Variants in CNTNAP3 observed in about 807,000 individuals in gnomAD.
The protein encoded by CNTNAP3 is contactin-associated protein-like 3.
CNTNAP3 carries 36 observed loss-of-function variants against 92.1 expected under a neutral mutation model. That is an observed-to-expected ratio of 0.39 (90% CI 0.30 to 0.52). The LOEUF is 0.52. Among genes scored for constraint, CNTNAP3 ranks in the 20% least tolerant of loss-of-function variants. CNTNAP3 has a pLI of 0.76. For synonymous variants in CNTNAP3, 232 were observed against 422.3 expected (o/e 0.55, Z 5.53); for missense variants, 534 against 1,069.6 (o/e 0.50, Z 6.98).
intron 16 of CNTNAP3, 26 bp from the exon 17 acceptor site, chr9:39,102,741 C>T (rs1263434029): frequency 3.7e-6 from 3 of 810,302 alleles, no homozygotes; most frequent in South Asian, 3.3e-5. Flanking sequence ...ATGAATATTG[C>T]TCAAGCAAAT....
At chr9:39,133,177 G>T (rs1246287524) in intron 12 of CNTNAP3, 42 bp from the exon 13 acceptor site, 2 of 1,544,426 alleles carry the variant, frequency 1.3e-6, no homozygotes, top group Admixed American at 3.9e-5. Context: ...CTGGACGGCA[G>T]AGGCCAGCAG....
chr9:39,108,387 C>T (rs1048045086), intron 15 of CNTNAP3, among the ~76,000 whole-genome samples: 8 of 152,228 alleles, frequency 5.3e-5, no homozygotes, highest in Non-Finnish European at 7.4e-5. Context: ...GGGATGGAGA[C>T]GCCACGCCAT....
chr9:39,130,726 A>T (rs1821266994), intron 13 of CNTNAP3, among the ~76,000 whole-genome samples: 1 of 151,810 alleles, frequency 6.6e-6, no homozygotes. Context: ...GGATGGTCTG[A>T]TTTCCTGACC....
At position 39,085,938 on chromosome 9, in the gene CNTNAP3, A is replaced by G. The variant is rs1349148886; in HGVS notation, c.3355-115T>C. ...AAATAAATCACTTTTAAGTACCATT[A>G]CAAAAGCTCAAGAAGCCACCTTCAA... On this transcript the variant is annotated intron_variant, in intron 20 of 23. Coordinates refer to ENST00000297668, the MANE Select transcript of CNTNAP3 (RefSeq NM_033655.5). 4.4e-5 allele frequency: 46 copies of G among 1,036,716 alleles called. No individual in the cohort carries two copies. In the Middle Eastern group the frequency reaches 9.4e-4, roughly 21 times the overall value. The allele number at this position is 1,036,716 out of a possible 1,614,324, so 64.2% of individuals were successfully genotyped here.
At chr9:39,082,862 C>T (rs190917197) in intron 21 of CNTNAP3, among the ~76,000 whole-genome samples, 4 of 152,356 alleles carry the variant, frequency 2.6e-5, no homozygotes, top group South Asian at 2.1e-4. Context: ...CTGCTGCTCA[C>T]GAGGCTTGCT....
At chr9:39,161,824 G>A (rs1822080143) in intron 9 of CNTNAP3, among the ~76,000 whole-genome samples, 1 of 108,526 alleles carries the variant, frequency 9.2e-6, no homozygotes, top group South Asian at 3.0e-4. Context: ...GGCAACAGGT[G>A]AGACTGACTC....
chr9:39,076,919 T>C lies in CNTNAP3; in HGVS notation c.3745+1466A>G, dbSNP rs1459287609. 7.2e-5 allele frequency among the ~76,000 whole-genome samples: 11 copies of C among 152,270 alleles called. No homozygotes were observed. In the South Asian group the frequency reaches 1.0e-3, roughly 14 times the overall value. On this transcript the variant is annotated intron_variant, in intron 23 of 23. Transcript: ENST00000297668. The stretch of plus-strand genomic sequence containing the variant: ...TTGCAGTGAGCCAAGATGGCGCCAC[T>C]GCACTCCAGCCTTTGCGACGAGCGA...
chr9:39,089,058 T>TTACAGTGTAAAATTCTATGTCTTTTAGTA (rs1219498495), intron 18 of CNTNAP3, among the ~76,000 whole-genome samples: 69 of 152,372 alleles, frequency 4.5e-4, no homozygotes, highest in Non-Finnish European at 5.6e-4. Context: ...ATAGACCCAA[T>TTACAGTGTAAAATTCTATGTCTTTTAGTA]TACAGTGTAA....
intron 18 of CNTNAP3, among the ~76,000 whole-genome samples, chr9:39,095,199 C>T (rs1053855989): frequency 9.9e-5 from 15 of 151,712 alleles, no homozygotes; most frequent in Admixed American, 4.6e-4. Context: ...CCTGCAACTT[C>T]GCTGAATTTA....
chr9:39,092,402 A>G (rs2118446231), intron 18 of CNTNAP3, among the ~76,000 whole-genome samples: 1 of 136,412 alleles, frequency 7.3e-6, no homozygotes, highest in East Asian at 2.4e-4. Flanking sequence ...AATTCCCTCT[A>G]AACCCTGCTT....
chr9:39,098,575 T>G (rs1268687060), intron 18 of CNTNAP3, among the ~76,000 whole-genome samples: 1 of 152,198 alleles, frequency 6.6e-6, no homozygotes, highest in Non-Finnish European at 1.5e-5. Context: ...GGATTGGGAA[T>G]GATTTAGAAA....
At chr9:39,087,579 T>C (rs536342393) in intron 19 of CNTNAP3, among the ~76,000 whole-genome samples, 53 of 152,186 alleles carry the variant, frequency 3.5e-4, no homozygotes, top group South Asian at 1.2e-3. Context: ...CTCTGCCTCC[T>C]GGGTTCACGC....
chr9:39,128,315 C>T (rs905351301), intron 13 of CNTNAP3, among the ~76,000 whole-genome samples: 1 of 151,894 alleles, frequency 6.6e-6, no homozygotes, highest in Non-Finnish European at 1.5e-5. Context: ...ATCAATATCT[C>T]TTATGAATTT....
At chr9:39,180,670 G>A (rs2118255385) in intron 4 of CNTNAP3, among the ~76,000 whole-genome samples, 1 of 150,808 alleles carries the variant, frequency 6.6e-6, no homozygotes, top group South Asian at 2.1e-4. Context: ...GATTTATGAA[G>A]TCAATACATA....
At chr9:39,238,550 CA>C (rs1200513230) in intron 3 of CNTNAP3, among the ~76,000 whole-genome samples, 4 of 3,508 alleles carry the variant, frequency 1.1e-3, no homozygotes, top group Admixed American at 6.8e-3. Context: ...AAACAAAAAA[CA>C]AAAAAAAAAA....
intron 13 of CNTNAP3, among the ~76,000 whole-genome samples, chr9:39,125,530 A>T (rs533105109): frequency 7.9e-5 from 12 of 152,242 alleles, no homozygotes; most frequent in Admixed American, 7.9e-4. Flanking sequence ...AAAGACTGAG[A>T]CTGTCAGAGT....
intron 18 of CNTNAP3, among the ~76,000 whole-genome samples, chr9:39,097,723 G>A (rs1826359065): frequency 6.9e-6 from 1 of 145,008 alleles, no homozygotes. Flanking sequence ...CATATAGAGT[G>A]GAGCTTCCGT....
chr9:39,118,111 C>T lies in CNTNAP3; in HGVS notation c.2229G>A (p.Arg743=), dbSNP rs28647395. 307,900 of 1,603,496 alleles carry T rather than the reference C, an allele frequency of 0.19. 35,759 individuals are homozygous for T. The highest frequency in any genetic ancestry group is 0.57 in the African/African-American group (41,579 of 73,452). The change falls in exon 14 of 24, where the codon CGG becomes CGA. Residue 743 remains arginine (R), a synonymous_variant. Transcript: ENST00000297668. ...AATCATGTGGAAATCACCATTCATT[C>T]CGGCCAGCATCACAGTTGCAGTAAT... ...SQYYCNCDAG[R]NEWTSDTIVL...
At position 39,113,443 on chromosome 9, in the gene CNTNAP3, T is replaced by C. The variant is rs1460479383; in HGVS notation, c.2238-4156A>G. On this transcript the variant is annotated intron_variant, in intron 14 of 23. Transcript: ENST00000297668. The stretch of plus-strand genomic sequence containing the variant: ...TAATTATTTTAAGATTTTATAGAAA[T>C]TCAAGTAATTCCTCAATACTGACTG... Among the ~76,000 whole-genome samples the C allele has an allele frequency of 2.6e-5, 4 of 152,276 alleles. No individual in the cohort carries two copies. The South Asian group carries it at 8.3e-4, about 32-fold the overall frequency.
Sources: allele counts gnomAD v4.1 joint callset (sites outside exome capture counted in the v4.1 genomes callset), GRCh38; gene constraint gnomAD v4.1.1; transcripts MANE v1.5; gene names NCBI Gene and HGNC (gene_info 2026-07-23, HGNC 2026-07-21).